ALDH1L2: variants seen among roughly 807,000 people sequenced by gnomAD.
The protein encoded by ALDH1L2 is aldehyde dehydrogenase 1 family member L2, also known as mitochondrial 10-formyltetrahydrofolate dehydrogenase.
Under a neutral mutation model 111.0 loss-of-function variants are expected in ALDH1L2, and 91 were observed. That is an observed-to-expected ratio of 0.82 (90% confidence interval 0.69 to 0.98). ALDH1L2 has a LOEUF of 0.98. Among genes scored for constraint, ALDH1L2 ranks in the 50% least tolerant of loss-of-function variants. The pLI, the probability that ALDH1L2 is intolerant of heterozygous loss-of-function variation, is 0.00. For synonymous variants in ALDH1L2, 374 were observed against 392.6 expected (o/e 0.95, Z 0.56); for missense variants, 995 against 1,126.8 (o/e 0.88, Z 1.67).
chr12:105,070,461 T>C, intron 3 of ALDH1L2, 109 bp downstream of exon 3: 3 of 900,530 alleles, frequency 3.3e-6, no homozygotes, highest in Non-Finnish European at 4.9e-6. Context: ...TCTCAGCTAC[T>C]TGGGAGGCTG....
In ALDH1L2 at chr12:105,020,462, C is replaced by G. The variant is rs529656295; in HGVS notation, c.*3962G>C. The G allele has an allele frequency of 6.6e-6, 1 of 152,180 alleles. No individual in the cohort carries two copies. The highest frequency in any genetic ancestry group is 2.1e-4 in the South Asian group (1 of 4,828). 9.4% of individuals were successfully genotyped at this position (152,180 alleles called of 1,614,324 possible). A position where few individuals can be genotyped will look rare whatever the true frequency, so the allele number is the denominator to read the frequency against. The stretch of plus-strand genomic sequence containing the variant: ...GTGATTTGAGCAGGTTACTTAACCT[C>G]TCCATTTGAAAGCAAACATTTATTG... On this transcript the variant is annotated 3_prime_UTR_variant, in exon 23 of 23. Coordinates refer to ENST00000258494, the MANE Select transcript of ALDH1L2 (RefSeq NM_001034173.4).
chr12:105,076,365 A>T (rs966174942), intron 1 of ALDH1L2, among the ~76,000 whole-genome samples: 3 of 152,316 alleles, frequency 2.0e-5, no homozygotes, highest in Admixed American at 2.0e-4. Context: ...ATGAGACCCT[A>T]GTTTGGGCCA....
chr12:105,053,899 C>G (rs1487205203), intron 10 of ALDH1L2, among the ~76,000 whole-genome samples: 4 of 151,352 alleles, frequency 2.6e-5, no homozygotes, highest in Admixed American at 6.6e-5. Context: ...TGATATGAGT[C>G]AAGTAACAGA....
chr12:105,075,524 G>A (rs1878004348), intron 1 of ALDH1L2, among the ~76,000 whole-genome samples: 2 of 152,322 alleles, frequency 1.3e-5, no homozygotes, highest in East Asian at 1.9e-4. Context: ...GATAGAGGTT[G>A]CAGTGAGCTG....
At chr12:105,082,346 A>G (rs1849690352) in intron 1 of ALDH1L2, among the ~76,000 whole-genome samples, 2 of 152,224 alleles carry the variant, frequency 1.3e-5, no homozygotes. Context: ...CTTTATGCCT[A>G]TTTATAATCA....
Position 105,026,749 on chromosome 12 carries a change from G to C in ALDH1L2, c.2517-5C>G. 1.5e-5 allele frequency: 24 copies of C among 1,613,082 alleles called. No homozygotes were observed. Among genetic ancestry groups the C allele is most frequent in the Non-Finnish European group, 2.0e-5 (24 of 1,179,762 alleles). On this transcript the variant is annotated splice_region_variant and splice_polypyrimidine_tract_variant and intron_variant, in intron 21 of 22. Coordinates refer to ENST00000258494, the MANE Select transcript of ALDH1L2 (RefSeq NM_001034173.4). The stretch of plus-strand genomic sequence containing the variant: ...TGCAACACTCCATCGATGTCCCTGT[G>C]TTTTTAGGAAGACATAAAACTTCAT...
chr12:105,037,872 C>G (rs369207723), intron 18 of ALDH1L2, among the ~76,000 whole-genome samples: 1 of 151,572 alleles, frequency 6.6e-6, no homozygotes, highest in Non-Finnish European at 1.5e-5. Flanking sequence ...TCAAGAGATT[C>G]TCCTGCCTCA....
At chr12:105,051,836 G>C (rs1876289850) in intron 12 of ALDH1L2, among the ~76,000 whole-genome samples, 1 of 148,402 alleles carries the variant, frequency 6.7e-6, no homozygotes, top group Non-Finnish European at 1.5e-5. Flanking sequence ...ACAGGCTGGA[G>C]TGCAGTGGTG....
At chr12:105,030,885 T>C (rs1874661193) in intron 20 of ALDH1L2, among the ~76,000 whole-genome samples, 1 of 152,220 alleles carries the variant, frequency 6.6e-6, no homozygotes, top group South Asian at 2.1e-4. Context: ...AGAAATTAGC[T>C]TTTTCACAGT....
chr12:105,071,700 A>C (rs1017896936), intron 2 of ALDH1L2, among the ~76,000 whole-genome samples: 1 of 107,950 alleles, frequency 9.3e-6, no homozygotes, highest in African/African-American at 3.7e-5. Context: ...TCTTTCGCCC[A>C]GGCCGGACTG....
At chr12:105,028,195 TC>T (rs1339929571) in intron 21 of ALDH1L2, among the ~76,000 whole-genome samples, 1 of 152,048 alleles carries the variant, frequency 6.6e-6, no homozygotes, top group African/African-American at 2.4e-5. Flanking sequence ...ACTGCAACCT[TC>T]GCCTCCCAGG....
intron 13 of ALDH1L2, 121 bp from the exon 14 acceptor site, chr12:105,047,090 G>A (rs1425441598): frequency 1.9e-6 from 2 of 1,054,604 alleles, no homozygotes; most frequent in East Asian, 5.1e-5. Flanking sequence ...AAGAGCGTTT[G>A]TTGATAAGAA....
rs763161432 is a variant in ALDH1L2, at chr12:105,038,240, C to CAT, written c.2046-40_2046-39dup. The CAT allele has an allele frequency of 1.6e-5, 17 of 1,064,562 alleles. No homozygotes were observed. In the East Asian group the frequency reaches 5.0e-4, roughly 31 times the overall value. The allele number at this position is 1,064,562 out of a possible 1,614,324, so 65.9% of individuals were successfully genotyped here. A position where few individuals can be genotyped will look rare whatever the true frequency, so the allele number is the denominator to read the frequency against. ...AAATGAGAAATGAGCATTTAGTTAA[C>CAT]ATCTCTCTCTCTCTCTCTCTCACAC... On this transcript the variant is annotated intron_variant, in intron 17 of 22. Coordinates refer to ENST00000258494, the MANE Select transcript of ALDH1L2 (RefSeq NM_001034173.4).
chr12:105,061,859 A>G, intron 7 of ALDH1L2, 107 bp from the exon 8 acceptor site: 1 of 1,336,726 alleles, frequency 7.5e-7, no homozygotes, highest in South Asian at 1.4e-5. Flanking sequence ...GGGCAAGTTT[A>G]TTTGGAAAAA....
At chr12:105,031,389 G>A (rs1395977918) in intron 20 of ALDH1L2, among the ~76,000 whole-genome samples, 1 of 152,122 alleles carries the variant, frequency 6.6e-6, no homozygotes, top group Non-Finnish European at 1.5e-5. Context: ...AAGCTTTTTT[G>A]GCAGGAACAC....
intron 11 of ALDH1L2, among the ~76,000 whole-genome samples, chr12:105,052,597 T>C (rs1253431362): frequency 6.6e-6 from 1 of 152,178 alleles, no homozygotes; most frequent in Non-Finnish European, 1.5e-5. Context: ...CTGTCTAAAT[T>C]TATCATAAAT....
intron 21 of ALDH1L2, among the ~76,000 whole-genome samples, chr12:105,027,019 G>A (rs1046250669): frequency 6.6e-6 from 1 of 152,146 alleles, no homozygotes; most frequent in Non-Finnish European, 1.5e-5. Flanking sequence ...ACAGGCATGT[G>A]CCACCATGCT....
chr12:105,040,746 A>G, intron 15 of ALDH1L2, 52 bp from the exon 16 acceptor site: 1 of 1,500,366 alleles, frequency 6.7e-7, no homozygotes, highest in Non-Finnish European at 9.3e-7. Flanking sequence ...CCTGACCTTT[A>G]GCCCAGAACC....
chr12:105,047,244 C>A (rs1689599823), intron 13 of ALDH1L2, among the ~76,000 whole-genome samples: 1 of 152,172 alleles, frequency 6.6e-6, no homozygotes, highest in Non-Finnish European at 1.5e-5. Context: ...TATCCACTCT[C>A]CCCTCTGTCC....
Sources: gnomAD v4.1 joint callset for allele counts (sites outside exome capture counted in the v4.1 genomes callset) on GRCh38, gnomAD v4.1.1 for gene constraint, MANE v1.5 for transcripts, NCBI Gene and HGNC (gene_info 2026-07-23, HGNC 2026-07-21) for gene names.